The following PDK1 variants were observed in gnomAD, a reference collection of about 807,000 sequenced individuals.
PDK1 encodes the protein pyruvate dehydrogenase kinase 1.
PDK1 carries 39 observed loss-of-function variants against 54.2 expected under a neutral mutation model. That is an observed-to-expected ratio of 0.72 (90% confidence interval 0.56 to 0.94). PDK1 has a LOEUF of 0.94. PDK1 is among the 40% of genes least tolerant of loss of function. The pLI is 0.00. For synonymous variants in PDK1, 221 were observed against 207.1 expected, an observed-to-expected ratio of 1.07 and a Z score of -0.58; for missense variants, 552 against 566.0, an observed-to-expected ratio of 0.98 and a Z score of 0.25.
the PDK1 span, among the ~76,000 whole-genome samples, chr2:172,622,482 GAT>G: frequency 4.7e-4 from 63 of 135,046 alleles, no homozygotes; most frequent in African/African-American, 1.4e-3. Context: ...TATTATGTGA[GAT>G]ATGTTTATAT....
At chr2:172,565,555 C>T (rs1688891899) in intron 5 of PDK1, among the ~76,000 whole-genome samples, 1 of 151,518 alleles carries the variant, frequency 6.6e-6, no homozygotes, top group Admixed American at 6.6e-5. Context: ...CCTGCCTCGG[C>T]CTCCCAAAGA....
the PDK1 span, among the ~76,000 whole-genome samples, chr2:172,645,260 C>CTTTTT: frequency 7.6e-3 from 391 of 51,132 alleles, 102 homozygotes; most frequent in African/African-American, 0.016. Flanking sequence ...ACAAAATAGG[C>CTTTTT]TTTTTTTTTT....
chr2:172,555,647 G>C (rs1334805114), upstream of PDK1: 2 of 152,344 alleles, frequency 1.3e-5, no homozygotes, highest in African/African-American at 4.8e-5. Context: ...CGACACCGCG[G>C]TGTGTGCAAG....
the PDK1 span, among the ~76,000 whole-genome samples, chr2:172,707,476 G>T: frequency 2.4e-3 from 364 of 152,236 alleles, 8 homozygotes; most frequent in East Asian, 9.7e-4. Context: ...GAGAGCAGAG[G>T]TTTGTTGGGC....
chr2:172,690,221 A>G, the PDK1 span, among the ~76,000 whole-genome samples: 1 of 150,654 alleles, frequency 6.6e-6, no homozygotes, highest in Non-Finnish European at 1.5e-5. Flanking sequence ...AAAAGAAGAC[A>G]TCTATGCAGC....
At chr2:172,723,945 T>C in the PDK1 span, 1 of 152,190 alleles carries the variant, frequency 6.6e-6, no homozygotes, top group African/African-American at 2.4e-5. Context: ...GTTTAAACAT[T>C]TTCACATTGA....
chr2:172,559,828 C>T (rs1688559678), intron 2 of PDK1, among the ~76,000 whole-genome samples: 1 of 152,140 alleles, frequency 6.6e-6, no homozygotes, highest in African/African-American at 2.4e-5. Flanking sequence ...GGATTACAGG[C>T]ATGAGCCACC....
At chr2:172,624,849 G>A in the PDK1 span, among the ~76,000 whole-genome samples, 10 of 152,058 alleles carry the variant, frequency 6.6e-5, no homozygotes, top group South Asian at 4.1e-4. Flanking sequence ...TTAGCTGGGC[G>A]TGGTGTTGTG....
the PDK1 span, among the ~76,000 whole-genome samples, chr2:172,655,903 A>G: frequency 1.3e-5 from 2 of 152,230 alleles, no homozygotes; most frequent in Non-Finnish European, 2.9e-5. Flanking sequence ...TTGAATGTAA[A>G]GAAGTGACTT....
intron 8 of PDK1, among the ~76,000 whole-genome samples, chr2:172,573,368 C>A (rs981119863): frequency 6.6e-6 from 1 of 151,886 alleles, no homozygotes; most frequent in Non-Finnish European, 1.5e-5. Flanking sequence ...ATTTGCTGAT[C>A]GGCCATTTGT....
the PDK1 span, among the ~76,000 whole-genome samples, chr2:172,642,891 T>C: frequency 6.6e-6 from 1 of 151,998 alleles, no homozygotes; most frequent in African/African-American, 2.4e-5. Flanking sequence ...CTCCTCCTTC[T>C]CTTCCTTCTT....
the PDK1 span, among the ~76,000 whole-genome samples, chr2:172,657,723 C>T: frequency 5.9e-5 from 9 of 152,148 alleles, no homozygotes; most frequent in East Asian, 1.2e-3. Flanking sequence ...GATGCTCTCC[C>T]TATGCCAGAA....
Position 172,586,438 on chromosome 2 carries a change from A to G in PDK1, c.1056+50A>G, listed in dbSNP as rs757849361. On this transcript the variant is annotated intron_variant, in intron 9 of 10. Coordinates refer to ENST00000282077, the MANE Select transcript of PDK1 (RefSeq NM_002610.5). ...TGTGTTTCTGTGAATTGCCTTCCAC[A>G]TGCTGTAGCTGCCAAATAAGTAAGT... 1.2e-5 allele frequency: 13 copies of G among 1,115,076 alleles called. No individual in the cohort carries two copies. The Admixed American group carries it at 1.9e-4, about 16-fold the overall frequency. 69.1% of individuals were successfully genotyped at this position (1,115,076 alleles called of 1,614,324 possible).
At chr2:172,613,921 A>G in the PDK1 span, among the ~76,000 whole-genome samples, 1 of 151,962 alleles carries the variant, frequency 6.6e-6, no homozygotes, top group Non-Finnish European at 1.5e-5. Flanking sequence ...TGTGGATCCA[A>G]GCTTCCCTGT....
chr2:172,610,637 A>T (rs999487523), downstream of PDK1, among the ~76,000 whole-genome samples: 5 of 152,098 alleles, frequency 3.3e-5, no homozygotes, highest in African/African-American at 1.2e-4. Flanking sequence ...TTAAGATGGA[A>T]TCTCACTCTC....
At chr2:172,697,741 A>T in the PDK1 span, among the ~76,000 whole-genome samples, 1 of 152,230 alleles carries the variant, frequency 6.6e-6, no homozygotes, top group Non-Finnish European at 1.5e-5. Flanking sequence ...AAATATGTGT[A>T]ATCCTTGTCT....
At chr2:172,560,356 G>T (rs1375184524) in intron 2 of PDK1, among the ~76,000 whole-genome samples, 2 of 152,074 alleles carry the variant, frequency 1.3e-5, no homozygotes, top group African/African-American at 4.8e-5. Flanking sequence ...TTGTAGAGAT[G>T]GGGGTCTCAC....
chr2:172,565,104 A>G (rs745753140), intron 5 of PDK1, 31 bp downstream of exon 5: 2 of 1,285,106 alleles, frequency 1.6e-6, no homozygotes, highest in Non-Finnish European at 2.2e-6. Context: ...TTGCAAAAAA[A>G]GATACAAAAA....
At chr2:172,654,598 C>T in the PDK1 span, among the ~76,000 whole-genome samples, 28 of 108,028 alleles carry the variant, frequency 2.6e-4, no homozygotes, top group Admixed American at 3.3e-4. Flanking sequence ...CATCACACAC[C>T]GGGGCCTGTC....
Sources: allele counts gnomAD v4.1 joint callset (sites outside exome capture counted in the v4.1 genomes callset), GRCh38; gene constraint gnomAD v4.1.1; transcripts MANE v1.5; gene names NCBI Gene and HGNC (gene_info 2026-07-23, HGNC 2026-07-21).